SLC14A2: variants seen among roughly 807,000 people sequenced by gnomAD.
SLC14A2 encodes the protein solute carrier family 14 member 2, also known as urea transporter 2.
Under a neutral mutation model 104.6 loss-of-function variants are expected in SLC14A2, and 91 were observed. That is an observed-to-expected ratio of 0.87 (90% CI 0.73 to 1.04). The LOEUF (loss-of-function observed/expected upper bound fraction) is 1.04. SLC14A2 is among the 50% of genes least tolerant of loss of function. The pLI, the probability that SLC14A2 is intolerant of heterozygous loss-of-function variation, is 0.00. For missense variants in SLC14A2, 1,189 were observed against 1,156.0 expected, an observed-to-expected ratio of 1.03 and a Z score of -0.41; for synonymous variants, 476 against 466.4, an observed-to-expected ratio of 1.02 and a Z score of -0.27.
chr18:45,618,810 C>T (rs1423604062), intron 1 of SLC14A2, among the ~76,000 whole-genome samples: 2 of 151,558 alleles, frequency 1.3e-5, no homozygotes, highest in Non-Finnish European at 2.9e-5. Flanking sequence ...CACTAATTCA[C>T]ACCAACAACT....
intron 2 of SLC14A2, among the ~76,000 whole-genome samples, chr18:45,565,946 C>T (rs557092384): frequency 6.6e-6 from 1 of 152,288 alleles, no homozygotes; most frequent in Admixed American, 6.5e-5. Context: ...CAGATAAAGT[C>T]ACAAGGCACT....
chr18:45,413,340 G>A (rs2086235128), intron 1 of SLC14A2, among the ~76,000 whole-genome samples: 1 of 152,032 alleles, frequency 6.6e-6, no homozygotes, highest in African/African-American at 2.4e-5. Flanking sequence ...TAAGCAATAG[G>A]GCCTCCTGCT....
chr18:45,493,813 T>G (rs1273464612), intron 2 of SLC14A2, among the ~76,000 whole-genome samples: 3 of 152,254 alleles, frequency 2.0e-5, no homozygotes, highest in Admixed American at 2.0e-4. Flanking sequence ...CATTAGGCAT[T>G]TAATGAACAC....
chr18:45,345,567 T>C (rs2085439676), intron 1 of SLC14A2, among the ~76,000 whole-genome samples: 1 of 152,182 alleles, frequency 6.6e-6, no homozygotes, highest in Admixed American at 6.5e-5. Flanking sequence ...ACCAGGTCTG[T>C]CTTCTGGACT....
chr18:45,664,347 C>T (rs78822409), intron 11 of SLC14A2, among the ~76,000 whole-genome samples: 2,662 of 152,294 alleles, frequency 0.017, 77 homozygotes, highest in African/African-American at 0.061. Flanking sequence ...GGTAGAGACC[C>T]ATGGTGGGGA....
chr18:45,382,327 G>C (rs2085847653), intron 1 of SLC14A2, among the ~76,000 whole-genome samples: 1 of 152,128 alleles, frequency 6.6e-6, no homozygotes, highest in South Asian at 2.1e-4. Flanking sequence ...GTTTCACAGA[G>C]CTTAGACTTT....
chr18:45,472,089 C>T (rs1009001845), intron 1 of SLC14A2, among the ~76,000 whole-genome samples: 3 of 151,998 alleles, frequency 2.0e-5, no homozygotes, highest in African/African-American at 7.3e-5. Context: ...CATGTGTTCT[C>T]GTTGTTCAAC....
chr18:45,661,084 T>C (rs563631098), intron 10 of SLC14A2, among the ~76,000 whole-genome samples: 2 of 152,284 alleles, frequency 1.3e-5, no homozygotes, highest in East Asian at 1.9e-4. Context: ...TAGGAACACA[T>C]AGCACAGAAT....
At chr18:45,362,949 TG>T (rs1181295788) in intron 1 of SLC14A2, among the ~76,000 whole-genome samples, 38 of 152,084 alleles carry the variant, frequency 2.5e-4, no homozygotes, top group Non-Finnish European at 4.7e-4. Context: ...TGGAGCTCAC[TG>T]GGGGGTACCA....
chr18:45,240,510 G>A (rs1396268180), intron 1 of SLC14A2, among the ~76,000 whole-genome samples: 4 of 151,894 alleles, frequency 2.6e-5, no homozygotes, highest in South Asian at 2.1e-4. Context: ...CCTCTATACC[G>A]AAACATCCCC....
the SLC14A2 span, among the ~76,000 whole-genome samples, chr18:45,192,642 TTTTTGTTTTG>T: frequency 4.9e-3 from 705 of 144,916 alleles, 12 homozygotes; most frequent in African/African-American, 0.017. Context: ...GTGTGGTTTT[TTTTTGTTTTG>T]TTTTGTTTTG....
chr18:45,351,832 G>A (rs1436335160), intron 1 of SLC14A2, among the ~76,000 whole-genome samples: 1 of 152,168 alleles, frequency 6.6e-6, no homozygotes, highest in Non-Finnish European at 1.5e-5. Context: ...GTTTTAGTAT[G>A]GGGCTGGAGA....
chr18:45,298,663 T>C (rs1289026667), intron 1 of SLC14A2, among the ~76,000 whole-genome samples: 1 of 152,232 alleles, frequency 6.6e-6, no homozygotes, highest in East Asian at 1.9e-4. Context: ...GATTAACGTT[T>C]GATTGTATAT....
At chr18:45,607,424 A>AAAT (rs2044890614) in intron 2 of SLC14A2, among the ~76,000 whole-genome samples, 1 of 152,204 alleles carries the variant, frequency 6.6e-6, no homozygotes, top group South Asian at 2.1e-4. Flanking sequence ...AGGAAGGATT[A>AAAT]AATAAGATAA....
At chr18:45,259,306 T>G (rs1289720180) in intron 1 of SLC14A2, among the ~76,000 whole-genome samples, 1 of 152,088 alleles carries the variant, frequency 6.6e-6, no homozygotes, top group African/African-American at 2.4e-5. Flanking sequence ...CAGGAAGAAA[T>G]AATATGTTGG....
intron 18 of SLC14A2, among the ~76,000 whole-genome samples, chr18:45,675,709 A>ATATTTTT (rs57989993): frequency 3.8e-5 from 3 of 78,388 alleles, no homozygotes; most frequent in South Asian, 9.7e-4. Context: ...ATATATATAT[A>ATATTTTT]TTTTTTTTTT....
chr18:45,328,205 A>G (rs992878596), intron 1 of SLC14A2, among the ~76,000 whole-genome samples: 29 of 152,160 alleles, frequency 1.9e-4, no homozygotes, highest in Admixed American at 7.2e-4. Context: ...CCTGCCTCTC[A>G]TATGAAAGCA....
At chr18:45,373,152 A>T (rs563895370) in intron 1 of SLC14A2, among the ~76,000 whole-genome samples, 1 of 152,206 alleles carries the variant, frequency 6.6e-6, no homozygotes, top group African/African-American at 2.4e-5. Context: ...GTTTATTGCT[A>T]TGTATGCCCC....
intron 1 of SLC14A2, among the ~76,000 whole-genome samples, chr18:45,482,918 A>G (rs1125061): frequency 0.33 from 50,344 of 151,990 alleles, 8,321 homozygotes; most frequent in Middle Eastern, 0.45. Context: ...ATCTTATTCA[A>G]TGAAAGAAAA....
Sources: gnomAD v4.1 joint callset for allele counts (sites outside exome capture counted in the v4.1 genomes callset) on GRCh38, gnomAD v4.1.1 for gene constraint, MANE v1.5 for transcripts, NCBI Gene and HGNC (gene_info 2026-07-23, HGNC 2026-07-21) for gene names.